Variants in PPP1R9A observed in about 807,000 individuals in gnomAD.
PPP1R9A encodes neurabin-1.
A neutral mutation model predicts 141.9 loss-of-function variants in PPP1R9A; 59 were observed. The observed-to-expected ratio is 0.42, with a 90% CI of 0.34 to 0.52. The LOEUF (loss-of-function observed/expected upper bound fraction) is 0.52, where lower values mean the gene tolerates loss of function less well. PPP1R9A is among the 20% of genes least tolerant of loss of function. The probability of loss-of-function intolerance (pLI) is 0.10; values close to 1 mark genes in which losing one functional copy is unlikely to be tolerated. For synonymous variants in PPP1R9A, 500 were observed against 569.7 expected, an observed-to-expected ratio of 0.88 and a Z score of 1.74; for missense variants, 1,444 against 1,611.9, an observed-to-expected ratio of 0.90 and a Z score of 1.78.
In PPP1R9A at chr7:95,145,470, C is replaced by T. The variant is rs114368516; in HGVS notation, c.1650-16397C>T. Among the ~76,000 whole-genome samples the T allele has an allele frequency of 6.1e-3, 933 of 152,038 alleles. 9 individuals are homozygous for T. Among genetic ancestry groups the T allele is most frequent in the African/African-American group, 0.021 (878 of 41,478 alleles). On this transcript the variant is annotated intron_variant, in intron 4 of 19. Transcript: ENST00000433360. ...AGGCAGAAAAAGAATTGAAGACAAA[C>T]GTTGGAAGAAAGTACAAAGGCAAAA...
intron 16 of PPP1R9A, 136 bp downstream of exon 16, chr7:95,274,304 T>C (rs1324525639): frequency 5.0e-6 from 4 of 805,114 alleles, no homozygotes; most frequent in East Asian, 2.7e-5. Flanking sequence ...GAAGAAAAAT[T>C]GCACAATTAG....
chr7:95,127,194 T>G (rs1002052812), intron 4 of PPP1R9A, among the ~76,000 whole-genome samples: 2 of 152,202 alleles, frequency 1.3e-5, no homozygotes. Context: ...TTTTTTTAAT[T>G]ATCAGATTTT....
chr7:95,110,351 T>C (rs1820334893), intron 2 of PPP1R9A, among the ~76,000 whole-genome samples: 1 of 152,190 alleles, frequency 6.6e-6, no homozygotes, highest in Admixed American at 6.5e-5. Flanking sequence ...AATCTAATCC[T>C]AGATTTTATG....
chr7:95,258,203 A>G (rs1282764254), intron 12 of PPP1R9A, among the ~76,000 whole-genome samples: 38 of 151,866 alleles, frequency 2.5e-4, no homozygotes, highest in Non-Finnish European at 2.5e-4. Flanking sequence ...TTTAATGATC[A>G]CCATTCTAAC....
intron 4 of PPP1R9A, among the ~76,000 whole-genome samples, chr7:95,154,032 C>G (rs1158166423): frequency 4.6e-5 from 7 of 151,746 alleles, no homozygotes; most frequent in Admixed American, 3.9e-4. Context: ...TGATCTTATC[C>G]TTTTCTTGGT....
At chr7:94,969,090 C>T (rs1798569627) in intron 2 of PPP1R9A, among the ~76,000 whole-genome samples, 1 of 152,028 alleles carries the variant, frequency 6.6e-6, no homozygotes, top group Admixed American at 6.6e-5. Flanking sequence ...TTAGAACATG[C>T]TCCTTTAGCT....
intron 2 of PPP1R9A, among the ~76,000 whole-genome samples, chr7:95,093,276 C>T (rs555592692): frequency 6.6e-6 from 1 of 152,060 alleles, no homozygotes; most frequent in Non-Finnish European, 1.5e-5. Flanking sequence ...CCCTAATTGA[C>T]CCTACATCAC....
chr7:95,160,516 A>T (rs1002993857), intron 4 of PPP1R9A, among the ~76,000 whole-genome samples: 3 of 148,014 alleles, frequency 2.0e-5, no homozygotes, highest in African/African-American at 7.5e-5. Flanking sequence ...CTTTATTTTT[A>T]TTTTTTTTTT....
intron 2 of PPP1R9A, among the ~76,000 whole-genome samples, chr7:95,020,481 CT>C (rs1805785677): frequency 6.6e-6 from 1 of 152,062 alleles, no homozygotes; most frequent in Non-Finnish European, 1.5e-5. Context: ...TTGTATTATA[CT>C]TTAAGTTCTA....
At chr7:95,003,944 A>G (rs1341411425) in intron 2 of PPP1R9A, among the ~76,000 whole-genome samples, 2 of 152,202 alleles carry the variant, frequency 1.3e-5, no homozygotes, top group African/African-American at 2.4e-5. Context: ...AGATCAAGGT[A>G]GGGAGCAGGT....
chr7:95,147,162 T>G (rs1299233638), intron 4 of PPP1R9A, among the ~76,000 whole-genome samples: 1 of 152,228 alleles, frequency 6.6e-6, no homozygotes, highest in Non-Finnish European at 1.5e-5. Flanking sequence ...GTGTCCTCTC[T>G]TATTTCCTTG....
Position 94,910,259 on chromosome 7 carries a change from A to G in PPP1R9A, c.146A>G (p.Glu49Gly). Residue 49 changes from glutamate (E) to glycine (G), a missense_variant, in exon 2 of 20, where the codon GAG becomes GGG. Coordinates refer to ENST00000433360, the MANE Select transcript of PPP1R9A (RefSeq NM_001166160.2). The surrounding 1 kb of genome is among the most constrained non-coding windows in gnomAD (Gnocchi z 4.5). ...SDGEQKTKEG[E>G]GSQQSRGRKY... is the part of the protein sequence containing the mutation. ...GGGGAACAAAAAACAAAAGAAGGTG[A>G]GGGCTCCCAGCAGAGCAGGGGGAGG... 6.2e-7 allele frequency: 1 copy of G among 1,614,118 alleles called. No individual in the cohort carries two copies. Among genetic ancestry groups the G allele is most frequent in the Non-Finnish European group, 8.5e-7 (1 of 1,180,006 alleles).
chr7:95,236,635 G>T, intron 8 of PPP1R9A, among the ~76,000 whole-genome samples: 2 of 140,932 alleles, frequency 1.4e-5, no homozygotes, highest in African/African-American at 2.6e-5. Flanking sequence ...AGGTTTTTTT[G>T]TAGAATTTTA....
chr7:95,244,999 G>A (rs1024242541), intron 8 of PPP1R9A, among the ~76,000 whole-genome samples: 7 of 152,170 alleles, frequency 4.6e-5, no homozygotes, highest in Admixed American at 1.3e-4. Flanking sequence ...ATGAATTCAA[G>A]CAGTCTAAGT....
intron 8 of PPP1R9A, among the ~76,000 whole-genome samples, chr7:95,230,620 A>C (rs1795790001): frequency 6.6e-6 from 1 of 152,110 alleles, no homozygotes; most frequent in Non-Finnish European, 1.5e-5. Context: ...AAGAATTTTA[A>C]AAAATGAGTA....
intron 2 of PPP1R9A, among the ~76,000 whole-genome samples, chr7:94,925,367 C>T (rs1438732053): frequency 6.6e-6 from 1 of 152,202 alleles, no homozygotes; most frequent in African/African-American, 2.4e-5. Flanking sequence ...GATATCTGCG[C>T]ACCATGGCCC....
rs1585666250 is a variant in PPP1R9A at position 95,290,804 on chromosome 7, T to C, written c.*501T>C. On this transcript the variant is annotated 3_prime_UTR_variant, in exon 20 of 20. Coordinates refer to ENST00000433360, the MANE Select transcript of PPP1R9A (RefSeq NM_001166160.2). The stretch of plus-strand genomic sequence containing the variant: ...CCTACTCCAATGTGTGGGAAAGATT[T>C]GCTCTTAATTCTCAGTCTGGACAGT... 1 of 159,076 alleles carries C rather than the reference T, an allele frequency of 6.3e-6. No individual in the cohort carries two copies. The highest frequency in any genetic ancestry group is 2.4e-5 in the African/African-American group (1 of 41,514). 9.9% of individuals were successfully genotyped at this position (159,076 alleles called of 1,614,324 possible). A position where few individuals can be genotyped will look rare whatever the true frequency, so the allele number is the denominator to read the frequency against.
intron 2 of PPP1R9A, among the ~76,000 whole-genome samples, chr7:95,088,958 T>C (rs983952999): frequency 6.6e-6 from 1 of 152,054 alleles, no homozygotes; most frequent in Non-Finnish European, 1.5e-5. Context: ...GGAGATCATT[T>C]ACTTAACTCC....
At chr7:95,113,370 T>C (rs1820910782) in intron 3 of PPP1R9A, among the ~76,000 whole-genome samples, 1 of 152,154 alleles carries the variant, frequency 6.6e-6, no homozygotes, top group Admixed American at 6.5e-5. Flanking sequence ...TTTCTTGTCC[T>C]TAAAAAGAAG....
Sources: gnomAD v4.1 joint callset for allele counts (sites outside exome capture counted in the v4.1 genomes callset) on GRCh38, gnomAD v4.1.1 for gene constraint, Gnocchi (gnomAD v3.1) non-coding constraint, MANE v1.5 for transcripts, NCBI Gene and HGNC (gene_info 2026-07-23, HGNC 2026-07-21) for gene names.